GLI2: variants seen among roughly 807,000 people sequenced by gnomAD.
GLI2 encodes the protein GLI family zinc finger 2.
GLI2 carries 22 observed loss-of-function variants against 78.9 expected under a neutral mutation model. That is an observed-to-expected ratio of 0.28 (90% CI 0.20 to 0.40). The LOEUF (loss-of-function observed/expected upper bound fraction) is 0.40, where lower values mean the gene tolerates loss of function less well. Among genes scored for constraint, GLI2 ranks in the 10% least tolerant of loss-of-function variants. GLI2 has a pLI of 1.00. For missense variants in GLI2, 2,097 were observed against 2,213.2 expected, an observed-to-expected ratio of 0.95 and a Z score of 1.05; for synonymous variants, 974 against 963.7, an observed-to-expected ratio of 1.01 and a Z score of -0.20.
chr2:120,939,066 G>A (rs1680329239), intron 3 of GLI2, among the ~76,000 whole-genome samples: 1 of 152,240 alleles, frequency 6.6e-6, no homozygotes, highest in Admixed American at 6.5e-5. Flanking sequence ...GGGATCACCT[G>A]AGGTCGGAAG....
intron 2 of GLI2, among the ~76,000 whole-genome samples, chr2:120,826,623 T>G (rs1686075912): frequency 1.3e-5 from 2 of 152,208 alleles, no homozygotes; most frequent in Admixed American, 6.5e-5. Flanking sequence ...AAGATGGGAT[T>G]CCCTGCATTG....
intron 1 of GLI2, among the ~76,000 whole-genome samples, chr2:120,767,223 G>C (rs2104652389): frequency 6.6e-6 from 1 of 152,184 alleles, no homozygotes; most frequent in Non-Finnish European, 1.5e-5. Flanking sequence ...GACTAGGCCA[G>C]TCAGAGCCTG....
chr2:120,908,859 G>T (rs1678673231), intron 2 of GLI2, among the ~76,000 whole-genome samples: 1 of 152,188 alleles, frequency 6.6e-6, no homozygotes, highest in African/African-American at 2.4e-5. Flanking sequence ...ACTAAGGAGA[G>T]TGCTGAATGG....
intron 2 of GLI2, among the ~76,000 whole-genome samples, chr2:120,851,451 T>C (rs77766133): frequency 0.039 from 5,981 of 152,346 alleles, 400 homozygotes; most frequent in African/African-American, 0.14. Context: ...TCTTGTTGCC[T>C]GCAGGTTGTG....
chr2:120,985,518 C>T (rs1052764040), intron 12 of GLI2, among the ~76,000 whole-genome samples: 3 of 152,192 alleles, frequency 2.0e-5, no homozygotes, highest in Non-Finnish European at 4.4e-5. Context: ...CCATGGACAA[C>T]ACCTAGAAGG....
chr2:120,898,436 G>A (rs950419036), intron 2 of GLI2, among the ~76,000 whole-genome samples: 9 of 152,276 alleles, frequency 5.9e-5, no homozygotes, highest in Admixed American at 2.6e-4. Flanking sequence ...CACTTGGGGC[G>A]TGCATGCCTG....
chr2:120,916,134 C>T (rs1679085987), intron 2 of GLI2, among the ~76,000 whole-genome samples: 1 of 152,226 alleles, frequency 6.6e-6, no homozygotes, highest in Non-Finnish European at 1.5e-5. Flanking sequence ...TGCCCAGGCT[C>T]ACTGAGGCAG....
At chr2:120,797,579 G>T in intron 2 of GLI2, 111 bp downstream of exon 2, 3 of 1,016,838 alleles carry the variant, frequency 3.0e-6, no homozygotes, top group Non-Finnish European at 4.5e-6. Context: ...TGGGTTTATG[G>T]AGGGCGAAGA....
At chr2:120,983,778 C>T (rs1682825398) in intron 11 of GLI2, among the ~76,000 whole-genome samples, 2 of 152,192 alleles carry the variant, frequency 1.3e-5, no homozygotes, top group African/African-American at 4.8e-5. Flanking sequence ...TATCCTGGAC[C>T]CCAAAGGGAC....
At chr2:120,947,236 G>A (rs2104937585) in intron 3 of GLI2, among the ~76,000 whole-genome samples, 1 of 152,350 alleles carries the variant, frequency 6.6e-6, no homozygotes, top group South Asian at 2.1e-4. Context: ...AGGGGCTCCA[G>A]CCCAGCCCCA....
At chr2:120,889,928 C>A (rs948094729) in intron 2 of GLI2, among the ~76,000 whole-genome samples, 1 of 152,218 alleles carries the variant, frequency 6.6e-6, no homozygotes, top group African/African-American at 2.4e-5. Context: ...GGTAAACATA[C>A]TGCATAGGAC....
Position 120,955,523 on chromosome 2 carries a change from C to A in GLI2, c.643+93C>A, listed in dbSNP as rs940699518. ...TCGCTGTTTCTTTTGGGGACAAGGA[C>A]CCTTAAGGAGAGGTCGGGCTGTACC... is the stretch of plus-strand genomic sequence containing the variant. On this transcript the variant is annotated intron_variant, in intron 5 of 13. Coordinates refer to ENST00000361492, the MANE Select transcript of GLI2 (RefSeq NM_001374353.1). The A allele has an allele frequency of 3.1e-5, 27 of 862,882 alleles. 1 individual carries two copies. In the South Asian group the frequency reaches 4.6e-4, roughly 15 times the overall value. 53.5% of individuals were successfully genotyped at this position (862,882 alleles called of 1,614,324 possible).
intron 2 of GLI2, among the ~76,000 whole-genome samples, chr2:120,803,530 G>A (rs1684798337): frequency 6.6e-6 from 1 of 152,196 alleles, no homozygotes; most frequent in African/African-American, 2.4e-5. Context: ...CAGCAGGTGG[G>A]AAACCCAGGT....
chr2:120,807,209 G>A (rs1273049983), intron 2 of GLI2, among the ~76,000 whole-genome samples: 1 of 152,152 alleles, frequency 6.6e-6, no homozygotes, highest in Non-Finnish European at 1.5e-5. Flanking sequence ...ATGGTCTGGG[G>A]GATGGGGCCT....
rs2105064291 is a variant in GLI2 at position 120,982,770 on chromosome 2, C to T, written c.1522C>T (p.Arg508Trp). The T allele has an allele frequency of 1.9e-6, 3 of 1,613,878 alleles. No individual in the cohort carries two copies. Among genetic ancestry groups the T allele is most frequent in the Non-Finnish European group, 2.5e-6 (3 of 1,179,878 alleles). ...SRLENLKTHL[R>W]SHTGEKPYVC... ...CCTGGAGAACCTGAAGACACACCTG[C>T]GGTCCCACACCGGGGAGAAGCCATA... Residue 508 changes from arginine to tryptophan, a missense_variant, in exon 11 of 14, where the codon CGG (arginine) becomes TGG (tryptophan). Physicochemically the swap from Arg to Trp is moderately radical, Grantham distance 101. Transcript: ENST00000361492.
chr2:120,748,853 CTCCA>C (rs71671803), intron 1 of GLI2, among the ~76,000 whole-genome samples: 37,291 of 150,448 alleles, frequency 0.25, 4,650 homozygotes, highest in Middle Eastern at 0.29. Context: ...ATCTTGCATT[CTCCA>C]TCCATCCATC....
At chr2:120,747,948 A>G (rs1573337684) in intron 1 of GLI2, among the ~76,000 whole-genome samples, 2 of 152,380 alleles carry the variant, frequency 1.3e-5, no homozygotes, top group African/African-American at 4.8e-5. Context: ...TCAATCAGCC[A>G]GTACTTACTG....
At chr2:120,874,520 G>A (rs1336890489) in intron 2 of GLI2, among the ~76,000 whole-genome samples, 2 of 152,222 alleles carry the variant, frequency 1.3e-5, no homozygotes, top group Admixed American at 6.5e-5. Flanking sequence ...AAAGACGGAT[G>A]TGCCTGGAAG....
In GLI2 at chr2:120,863,890, G is replaced by A. The variant is rs139398001; in HGVS notation, c.149-63471G>A. Among the ~76,000 whole-genome samples, 317 of 152,276 alleles carry A rather than the reference G, an allele frequency of 2.1e-3. 2 individuals are homozygous for A. Among genetic ancestry groups the A allele is most frequent in the African/African-American group, 7.1e-3 (297 of 41,544 alleles). On this transcript the variant is annotated intron_variant, in intron 2 of 13. Transcript: ENST00000361492. The stretch of plus-strand genomic sequence containing the variant: ...GAGGAGGAGTTGATGGGGCTGAGGC[G>A]TCAATGTGAACAGGAGAGAGGGTGG...
Sources: gnomAD v4.1 joint callset for allele counts (sites outside exome capture counted in the v4.1 genomes callset) on GRCh38, gnomAD v4.1.1 for gene constraint, MANE v1.5 for transcripts, NCBI Gene and HGNC (gene_info 2026-07-23, HGNC 2026-07-21) for gene names.